Variants in PAH observed in about 807,000 individuals in gnomAD.
The protein encoded by PAH is phenylalanine-4-hydroxylase.
In PAH, 64 loss-of-function variants were observed where a neutral mutation model predicts 62.0. That is an observed-to-expected ratio of 1.03 (90% CI 0.84 to 1.27). The LOEUF (loss-of-function observed/expected upper bound fraction) is 1.27, where lower values mean the gene tolerates loss of function less well. Among genes scored for constraint, PAH ranks in the 50% most tolerant of loss-of-function variants. The pLI is 0.00. For synonymous variants in PAH, 195 were observed against 196.2 expected, an observed-to-expected ratio of 0.99 and a Z score of 0.05; for missense variants, 579 against 542.8, an observed-to-expected ratio of 1.07 and a Z score of -0.66.
At position 102,880,858 on chromosome 12, in the gene PAH, T is replaced by A. The variant is rs557890071; in HGVS notation, c.353-3308A>T. 3.9e-5 allele frequency among the ~76,000 whole-genome samples: 6 copies of A among 152,210 alleles called. No individual in the cohort carries two copies. In the East Asian group the frequency reaches 5.8e-4, roughly 15 times the overall value. On this transcript the variant is annotated intron_variant, in intron 3 of 12. Transcript: ENST00000553106. Reference sequence around the variant, plus strand: ...GGAAAGTGATGGGGATGCTCTTTTTTAAATTCTTTTTAAAAAATTCCATCT... The same window carrying A: ...GGAAAGTGATGGGGATGCTCTTTTTAAAATTCTTTTTAAAAAATTCCATCT...
intron 1 of PAH, chr12:102,958,189 C>A (rs1392934448): frequency 1.5e-6 from 2 of 1,374,016 alleles, no homozygotes; most frequent in Non-Finnish European, 9.5e-7. Flanking sequence ...CTCGCGGGCC[C>A]CGCACCTCGC....
rs188025608 is a variant in PAH at position 102,868,638 on chromosome 12, G to A, written c.442-1975C>T. 1.8e-4 allele frequency among the ~76,000 whole-genome samples: 27 copies of A among 148,926 alleles called. No homozygotes were observed. The East Asian group carries it at 4.9e-3, about 27-fold the overall frequency. ...TGTGCCTCGTTTCTACTGGGTGAAG[G>A]TAAGTTGGTTTGAGATGATGTGGTT... On this transcript the variant is annotated intron_variant, in intron 4 of 12. Coordinates refer to ENST00000553106, the MANE Select transcript of PAH (RefSeq NM_000277.3).
chr12:102,927,773 G>C (rs1338047629), intron 1 of PAH, among the ~76,000 whole-genome samples: 1 of 152,066 alleles, frequency 6.6e-6, no homozygotes, highest in Non-Finnish European at 1.5e-5. Flanking sequence ...GGTACGTCAA[G>C]AAGCATACAC....
Position 102,958,344 on chromosome 12 carries a change from ACGGCCGCAGCCGCGGCGGCC to A in PAH, c.-265_-246del. 1.4e-6 allele frequency: 2 copies of A among 1,453,698 alleles called. 1 individual carries two copies. Among genetic ancestry groups the A allele is most frequent in the Non-Finnish European group, 1.8e-6 (2 of 1,107,812 alleles). 90.0% of individuals were successfully genotyped at this position (1,453,698 alleles called of 1,614,324 possible). A position where few individuals can be genotyped will look rare whatever the true frequency, so the allele number is the denominator to read the frequency against. ...GCCGCCCGCAGCCTGTTTCTTTGCC[ACGGCCGCAGCCGCGGCGGCC>A]GCAGCCGCCGCAGCGGCAGCGCAGA... On this transcript the variant is annotated 5_prime_UTR_variant, in exon 1 of 5. Coordinates refer to the PAH transcript ENST00000551337.
intron 1 of PAH, among the ~76,000 whole-genome samples, chr12:102,938,694 C>T (rs1879186404): frequency 6.6e-6 from 1 of 152,182 alleles, no homozygotes; most frequent in African/African-American, 2.4e-5. Flanking sequence ...TGCTTGCTGT[C>T]TGCTGTCTTG....
chr12:102,914,049 G>A, intron 1 of PAH: 1 of 516,412 alleles, frequency 1.9e-6, no homozygotes, highest in Non-Finnish European at 3.4e-6. Context: ...AACTCTTAGT[G>A]ACTCAGAATA....
intron 7 of PAH, 43 bp downstream of exon 7, chr12:102,852,772 G>A (rs767323496): frequency 1.5e-5 from 24 of 1,613,152 alleles, no homozygotes; most frequent in African/African-American, 6.7e-5. Context: ...AAAAGATGGC[G>A]CTCATTGTGC....
intron 3 of PAH, among the ~76,000 whole-genome samples, chr12:102,880,231 A>T (rs997598449): frequency 9.2e-5 from 14 of 152,180 alleles, no homozygotes; most frequent in African/African-American, 3.1e-4. Context: ...CAGTGGGTCC[A>T]GCATTTGCGT....
Position 102,843,651 on chromosome 12 carries a change from T to C in PAH, c.1194A>G (p.Lys398=), listed in dbSNP as rs199475638. The part of the protein sequence containing the change: ...VAESFNDAKE[K]VRNFAATIPR... Reference sequence around the variant, plus strand: ...CACCTTTGTCACCACCTCACCTTACTTTCTCCTTGGCATCATTAAAACTCT... The same window carrying C: ...CACCTTTGTCACCACCTCACCTTACCTTCTCCTTGGCATCATTAAAACTCT... Residue 398 remains lysine (K), a synonymous_variant, in exon 11 of 13, where the codon AAA becomes AAG. Transcript: ENST00000553106. 1.2e-6 allele frequency: 2 copies of C among 1,613,766 alleles called. No homozygotes were observed. Among genetic ancestry groups the C allele is most frequent in the East Asian group, 2.2e-5 (1 of 44,850 alleles).
chr12:102,958,171 G>A, intron 1 of PAH: 1 of 1,206,204 alleles, frequency 8.3e-7, no homozygotes. Context: ...AGTTCTCTCT[G>A]TGTCCCCCTC....
Position 102,840,783 on chromosome 12 carries a change from A to G in PAH, c.1200-268T>C, listed in dbSNP as rs2270730. The stretch of plus-strand genomic sequence containing the variant: ...TCCAAGAAGACAGAGATAGCTTACA[A>G]TGAAACTACTGAATACAATAAAGCC... On this transcript the variant is annotated intron_variant, in intron 11 of 12. Coordinates refer to ENST00000553106, the MANE Select transcript of PAH (RefSeq NM_000277.3). Among the ~76,000 whole-genome samples the G allele has an allele frequency of 2.6e-5, 4 of 152,188 alleles. No homozygotes were observed. In the East Asian group the frequency reaches 7.7e-4, roughly 29 times the overall value.
At position 102,957,495 on chromosome 12, in the gene PAH, G is replaced by GGGAGA. The variant is rs1224145585; in HGVS notation, c.-96+695_-96+699dup. Among the ~76,000 whole-genome samples, 2 of 151,638 alleles carry GGGAGA rather than the reference G, an allele frequency of 1.3e-5. No individual in the cohort carries two copies. Among genetic ancestry groups the GGGAGA allele is most frequent in the Non-Finnish European group, 2.9e-5 (2 of 67,852 alleles). ...GAGCGGGAGAAAGGAACGGGAGGGG[G>GGGAGA]GGAGAGGAGAGGAGGAGGGGGAGTT... On this transcript the variant is annotated intron_variant, in intron 1 of 4. Coordinates refer to the PAH transcript ENST00000551337. The surrounding 1 kb of genome is among the most constrained non-coding windows in gnomAD (Gnocchi z 4.1).
At chr12:102,920,184 A>G (rs1592992653), upstream of PAH, among the ~76,000 whole-genome samples, 1 of 152,340 alleles carries the variant, frequency 6.6e-6, no homozygotes, top group South Asian at 2.1e-4. Flanking sequence ...GGAAAAATTT[A>G]TTTATGCACT....
chr12:102,897,529 C>T (rs540473723), intron 2 of PAH, among the ~76,000 whole-genome samples: 1 of 148,146 alleles, frequency 6.8e-6, no homozygotes, highest in East Asian at 2.0e-4. Context: ...TATTCTTAAA[C>T]ACCTCAGTGA....
chr12:102,882,422 T>G (rs1014397586), intron 3 of PAH, among the ~76,000 whole-genome samples: 4 of 152,138 alleles, frequency 2.6e-5, no homozygotes, highest in African/African-American at 9.7e-5. Flanking sequence ...TCACTCTTCC[T>G]ATCTTTGAAA....
intron 1 of PAH, among the ~76,000 whole-genome samples, chr12:102,934,012 T>C (rs568217716): frequency 6.6e-6 from 1 of 152,248 alleles, no homozygotes; most frequent in African/African-American, 2.4e-5. Context: ...AAGAGATCTT[T>C]GCCCAGTTCA....
chr12:102,892,944 T>C (rs1330114484), intron 3 of PAH, among the ~76,000 whole-genome samples: 1 of 152,142 alleles, frequency 6.6e-6, no homozygotes, highest in African/African-American at 2.4e-5. Flanking sequence ...AACTATGGAC[T>C]TCAATTAGTG....
chr12:102,912,669 CT>C (rs372220454), intron 2 of PAH, 121 bp downstream of exon 2: 1 of 752,576 alleles, frequency 1.3e-6, no homozygotes, highest in South Asian at 1.4e-5. Context: ...AATGTAAAAA[CT>C]TGAGCTCAAA....
At chr12:102,840,917 T>C (rs1171606130) in intron 11 of PAH, among the ~76,000 whole-genome samples, 1 of 152,094 alleles carries the variant, frequency 6.6e-6, no homozygotes, top group Admixed American at 6.6e-5. Context: ...CAGAGGGAAA[T>C]AGCTCTCAAG....
Sources: allele counts gnomAD v4.1 joint callset (sites outside exome capture counted in the v4.1 genomes callset), GRCh38; gene constraint gnomAD v4.1.1; non-coding constraint Gnocchi (gnomAD v3.1); transcripts MANE v1.5; gene names NCBI Gene and HGNC (gene_info 2026-07-23, HGNC 2026-07-21).